PRKG1: variants seen among roughly 807,000 people sequenced by gnomAD.
PRKG1 encodes cGMP-dependent protein kinase 1.
PRKG1 carries 35 observed loss-of-function variants against 88.1 expected under a neutral mutation model. The observed-to-expected ratio is 0.40, with a 90% CI of 0.30 to 0.53. The LOEUF is 0.53. Ranked by LOEUF, PRKG1 falls within the 20% of genes least tolerant of loss-of-function variation. PRKG1 has a pLI of 0.59. For synonymous variants in PRKG1, 303 were observed against 292.5 expected (o/e 1.04, Z -0.37); for missense variants, 540 against 839.8 (o/e 0.64, Z 4.41).
At chr10:52,250,939 A>C (rs567956736) in intron 9 of PRKG1, among the ~76,000 whole-genome samples, 16 of 152,278 alleles carry the variant, frequency 1.1e-4, no homozygotes, top group Admixed American at 2.0e-4. Flanking sequence ...ATTGGCTACA[A>C]GTCAGTGGGT....
chr10:51,775,152 G>T (rs1311881683), intron 3 of PRKG1, among the ~76,000 whole-genome samples: 1 of 152,072 alleles, frequency 6.6e-6, no homozygotes, highest in African/African-American at 2.4e-5. Flanking sequence ...AGAGCTACTT[G>T]CAGGGGAGGT....
At chr10:52,049,649 C>T (rs1361121202) in intron 5 of PRKG1, among the ~76,000 whole-genome samples, 1 of 151,600 alleles carries the variant, frequency 6.6e-6, no homozygotes, top group African/African-American at 2.4e-5. Flanking sequence ...TGCAAAGGTC[C>T]AAGATAAGAT....
At chr10:51,721,058 A>C (rs915765999) in intron 3 of PRKG1, among the ~76,000 whole-genome samples, 17 of 151,740 alleles carry the variant, frequency 1.1e-4, no homozygotes, top group African/African-American at 4.1e-4. Context: ...ATAGACAAAA[A>C]ACCAATTAGC....
At chr10:51,328,363 T>C (rs1044743816) in intron 2 of PRKG1, among the ~76,000 whole-genome samples, 3 of 152,218 alleles carry the variant, frequency 2.0e-5, no homozygotes, top group African/African-American at 7.2e-5. Context: ...TGACATTTTC[T>C]GTATCCATTC....
intron 4 of PRKG1, among the ~76,000 whole-genome samples, chr10:51,858,315 T>A (rs1468782938): frequency 2.7e-4 from 3 of 10,964 alleles, no homozygotes; most frequent in Non-Finnish European, 6.1e-4. Context: ...TATATATGTA[T>A]AATATGTATT....
At chr10:51,023,676 T>G (rs1843167536) in intron 1 of PRKG1, among the ~76,000 whole-genome samples, 2 of 152,208 alleles carry the variant, frequency 1.3e-5, no homozygotes, top group Admixed American at 1.3e-4. Flanking sequence ...TAAAAATAAG[T>G]AATGCATAAC....
chr10:51,545,267 T>G (rs1842419318), intron 3 of PRKG1, among the ~76,000 whole-genome samples: 1 of 152,126 alleles, frequency 6.6e-6, no homozygotes, highest in African/African-American at 2.4e-5. Flanking sequence ...ATTCAACAAT[T>G]TTCTTCAAAC....
intron 8 of PRKG1, among the ~76,000 whole-genome samples, chr10:52,158,561 A>T (rs951427384): frequency 6.6e-6 from 1 of 151,708 alleles, no homozygotes; most frequent in Non-Finnish European, 1.5e-5. Flanking sequence ...CTCATTGATC[A>T]GTACAGGGAT....
At chr10:51,272,823 T>C (rs949173591) in intron 2 of PRKG1, among the ~76,000 whole-genome samples, 1 of 152,194 alleles carries the variant, frequency 6.6e-6, no homozygotes, top group Non-Finnish European at 1.5e-5. Flanking sequence ...TTAATAAGGC[T>C]AGCTTAGCAT....
Position 52,038,771 on chromosome 10 carries a change from G to A in PRKG1, c.763-15713G>A, listed in dbSNP as rs192167871. On this transcript the variant is annotated intron_variant, in intron 5 of 17. Transcript: ENST00000373980. ...CGTCCCTGCAATGATAAAACACCAG[G>A]GGAAGGCTGCCTTCCCAGTCCGTGA... 4.6e-5 allele frequency among the ~76,000 whole-genome samples: 7 copies of A among 152,216 alleles called. No homozygotes were observed. In the East Asian group the frequency reaches 1.4e-3, roughly 29 times the overall value.
At chr10:51,174,987 A>G (rs1284391180) in intron 2 of PRKG1, among the ~76,000 whole-genome samples, 3 of 151,970 alleles carry the variant, frequency 2.0e-5, no homozygotes, top group Non-Finnish European at 4.4e-5. Context: ...CGTTGTGAGT[A>G]ATTTTTGTCT....
At chr10:51,774,796 T>C (rs989134864) in intron 3 of PRKG1, among the ~76,000 whole-genome samples, 2 of 152,148 alleles carry the variant, frequency 1.3e-5, no homozygotes, top group African/African-American at 4.8e-5. Context: ...CAGTTTAAAG[T>C]AATACATAAG....
At chr10:51,068,037 T>C (rs923333711) in intron 1 of PRKG1, among the ~76,000 whole-genome samples, 1 of 152,084 alleles carries the variant, frequency 6.6e-6, no homozygotes, top group Admixed American at 6.5e-5. Flanking sequence ...TACAAATACA[T>C]AGTGAATGTA....
intron 10 of PRKG1, among the ~76,000 whole-genome samples, chr10:52,258,002 G>A (rs1841349238): frequency 7.2e-6 from 1 of 139,180 alleles, no homozygotes; most frequent in Non-Finnish European, 1.6e-5. Context: ...CATTATTGTA[G>A]AATAAATTTC....
At chr10:52,177,250 G>A (rs1336624132) in intron 9 of PRKG1, among the ~76,000 whole-genome samples, 3 of 151,938 alleles carry the variant, frequency 2.0e-5, no homozygotes, top group African/African-American at 4.8e-5. Flanking sequence ...TGCTTTTTCT[G>A]CATCTGAGAT....
chr10:51,650,574 A>AT (rs1484069085), intron 3 of PRKG1, among the ~76,000 whole-genome samples: 2 of 152,210 alleles, frequency 1.3e-5, no homozygotes. Context: ...ATGTATTGTA[A>AT]TTGAAACTAA....
chr10:51,205,535 T>C (rs1225058751), intron 2 of PRKG1, among the ~76,000 whole-genome samples: 1 of 151,914 alleles, frequency 6.6e-6, no homozygotes, highest in Non-Finnish European at 1.5e-5. Flanking sequence ...AATAGGGCTT[T>C]TTTTAAACTT....
chr10:51,074,956 G>C (rs1390625656), intron 1 of PRKG1, 55 bp downstream of exon 1: 5 of 1,515,448 alleles, frequency 3.3e-6, no homozygotes, highest in African/African-American at 1.4e-5. Flanking sequence ...GGGGAGCTGC[G>C]GGTCTCTGTA....
intron 7 of PRKG1, chr10:52,128,093 T>A (rs559220385): frequency 2.0e-6 from 2 of 985,310 alleles, no homozygotes; most frequent in African/African-American, 3.5e-5. Flanking sequence ...ATGAAAAGAA[T>A]TTGCTTTGTG....
Sources: gnomAD v4.1 joint callset for allele counts (sites outside exome capture counted in the v4.1 genomes callset) on GRCh38, gnomAD v4.1.1 for gene constraint, MANE v1.5 for transcripts, NCBI Gene and HGNC (gene_info 2026-07-23, HGNC 2026-07-21) for gene names.